Variants in SPATA18 observed in about 807,000 individuals in gnomAD.
SPATA18 encodes mitochondria-eating protein.
Under a neutral mutation model 68.1 loss-of-function variants are expected in SPATA18, and 54 were observed. The ratio of observed to expected loss-of-function variants is 0.79; its 90% CI spans 0.64 to 0.99. The LOEUF is 0.99. Ranked by LOEUF, SPATA18 falls within the 50% of genes least tolerant of loss-of-function variation. The pLI, the probability that SPATA18 is intolerant of heterozygous loss-of-function variation, is 0.00. For missense variants in SPATA18, 724 were observed against 681.1 expected (o/e 1.06, Z -0.70); for synonymous variants, 242 against 244.8 (o/e 0.99, Z 0.11).
intron 4 of SPATA18, among the ~76,000 whole-genome samples, chr4:52,065,343 G>T (rs1739228210): frequency 6.6e-6 from 1 of 151,950 alleles, no homozygotes; most frequent in Non-Finnish European, 1.5e-5. Flanking sequence ...TTGCTTTTGG[G>T]TTCTTAGGCA....
At chr4:52,069,232 A>T (rs1222975426) in intron 4 of SPATA18, among the ~76,000 whole-genome samples, 1 of 152,192 alleles carries the variant, frequency 6.6e-6, no homozygotes, top group Non-Finnish European at 1.5e-5. Context: ...TCTACCATGA[A>T]GAGGATTTGA....
At chr4:52,082,761 C>A in intron 10 of SPATA18, 5 of 1,316,958 alleles carry the variant, frequency 3.8e-6, no homozygotes, top group Non-Finnish European at 3.9e-6. Context: ...GTCATATTTA[C>A]CTCCTCCATC....
chr4:52,078,980 A>G, intron 8 of SPATA18, 87 bp downstream of exon 8: 1 of 1,312,858 alleles, frequency 7.6e-7, no homozygotes, highest in Non-Finnish European at 1.0e-6. Context: ...TCCATCCAGT[A>G]TTTAGTATTA....
chr4:52,092,787 T>C lies in SPATA18; in HGVS notation c.1564-1740T>C, dbSNP rs1742091584. 2.6e-5 allele frequency among the ~76,000 whole-genome samples: 4 copies of C among 152,178 alleles called. No homozygotes were observed. In the South Asian group the frequency reaches 8.3e-4, roughly 32 times the overall value. ...GAGGGACACAAAAATGACAAAAACATGTTATCTTCTCTGAATAGGTCTTAA... is the reference window on the plus strand; with the variant it reads ...GAGGGACACAAAAATGACAAAAACACGTTATCTTCTCTGAATAGGTCTTAA... On this transcript the variant is annotated intron_variant, in intron 11 of 12. Transcript: ENST00000295213.
rs754507564 is a variant in SPATA18 at position 52,084,926 on chromosome 4, T to C, written c.1490T>C (p.Val497Ala). The C allele has an allele frequency of 6.2e-7, 1 of 1,614,026 alleles. No individual in the cohort carries two copies. The highest frequency in any genetic ancestry group is 8.5e-7 in the Non-Finnish European group (1 of 1,179,926). ...TCTCTCTTTTTTAAGTGGAATTCGG[T>C]GCGATCTGTAAGTCGTTGTCGAAGC... ...VTRRGAFWNSVRSVSRCRSRS... is the reference protein window; with the variant it reads ...VTRRGAFWNSARSVSRCRSRS... The change falls in exon 11 of 13, where the codon GTG becomes GCG. Residue 497 changes from valine (V) to alanine (A), a missense_variant. By Grantham distance (64) the Val-to-Ala change is moderately conservative. Coordinates refer to ENST00000295213, the MANE Select transcript of SPATA18 (RefSeq NM_145263.4).
chr4:52,083,398 T>C (rs1741124372), intron 10 of SPATA18: 17 of 985,310 alleles, frequency 1.7e-5, no homozygotes, highest in Non-Finnish European at 1.9e-5. Flanking sequence ...AAAAGGGTTT[T>C]TGTAGCTTAA....
intron 4 of SPATA18, among the ~76,000 whole-genome samples, chr4:52,068,631 T>C (rs866138301): frequency 2.6e-5 from 4 of 152,326 alleles, no homozygotes; most frequent in Admixed American, 6.5e-5. Flanking sequence ...CTTAGGCTGC[T>C]TCACTCTCTA....
rs141339947 is a variant in SPATA18, at chr4:52,060,427, G to A, written c.96G>A (p.Thr32=). Residue 32 remains threonine, a synonymous_variant, in exon 2 of 13, where the codon ACG becomes ACA. Coordinates refer to ENST00000295213, the MANE Select transcript of SPATA18 (RefSeq NM_145263.4). ...DFWLKEYNTN[T]CDQNLNHCLE... ...CTGTTTTGCCCTTGCAGACAAACAC[G>A]TGTGATCAAAATCTAAACCATTGCC... 77 of 1,613,876 alleles carry A rather than the reference G, an allele frequency of 4.8e-5. No individual in the cohort carries two copies. The highest frequency in any genetic ancestry group is 4.7e-4 in the African/African-American group (35 of 75,036).
At chr4:52,094,854 A>G (rs1742296973) in intron 12 of SPATA18, 26 bp from the exon 13 acceptor site, 2 of 1,613,896 alleles carry the variant, frequency 1.2e-6, no homozygotes, top group Non-Finnish European at 1.7e-6. Flanking sequence ...TGACCATAAT[A>G]ATGAACTGTC....
At chr4:52,088,636 T>C (rs1368929644) in intron 11 of SPATA18, among the ~76,000 whole-genome samples, 3 of 152,210 alleles carry the variant, frequency 2.0e-5, no homozygotes, top group Non-Finnish European at 4.4e-5. Context: ...TGAAGCCAAC[T>C]TGTTCATAGT....
chr4:52,076,208 C>T (rs1531359), intron 6 of SPATA18, among the ~76,000 whole-genome samples: 128,849 of 152,060 alleles, frequency 0.85, 58,507 homozygotes, highest in East Asian at 1. Context: ...ATGGGGAGAG[C>T]GTAGGTAAAG....
Position 52,096,405 on chromosome 4 carries a change from C to G in SPATA18, c.*1518C>G, listed in dbSNP as rs1311661400. 6.6e-6 allele frequency: 1 copy of G among 151,972 alleles called. No individual in the cohort carries two copies. The highest frequency in any genetic ancestry group is 2.4e-5 in the African/African-American group (1 of 41,364). 9.4% of individuals were successfully genotyped at this position (151,972 alleles called of 1,614,324 possible). ...GGATACAATTAGTGCCCCTCTTAAC[C>G]CTGCAGACTCAATGTTCCCTTTTAT... is the stretch of plus-strand genomic sequence containing the variant. On this transcript the variant is annotated 3_prime_UTR_variant, in exon 13 of 13. Coordinates refer to ENST00000295213, the MANE Select transcript of SPATA18 (RefSeq NM_145263.4).
chr4:52,073,809 C>G (rs971724636), intron 6 of SPATA18, among the ~76,000 whole-genome samples: 12 of 152,120 alleles, frequency 7.9e-5, no homozygotes, highest in African/African-American at 2.7e-4. Flanking sequence ...AGCCATTTGG[C>G]TTGTTTGAAA....
intron 4 of SPATA18, 53 bp downstream of exon 4, chr4:52,062,385 T>A: frequency 7.7e-7 from 1 of 1,300,078 alleles, no homozygotes; most frequent in Non-Finnish European, 1.1e-6. Flanking sequence ...TCAATTTAAT[T>A]AAGTTTTAAA....
intron 7 of SPATA18, chr4:52,078,422 T>C (rs912277717): frequency 3.5e-5 from 7 of 199,478 alleles, no homozygotes; most frequent in African/African-American, 1.2e-4. Context: ...TGACCAGTAA[T>C]GTGATATTGC....
intron 4 of SPATA18, among the ~76,000 whole-genome samples, chr4:52,064,507 A>G (rs34486097): frequency 0.43 from 65,288 of 151,968 alleles, 16,710 homozygotes; most frequent in Non-Finnish European, 0.57. Flanking sequence ...ACTCCCACTT[A>G]TAAGTGAGAA....
intron 7 of SPATA18, 149 bp downstream of exon 7, chr4:52,077,189 C>A: frequency 2.4e-6 from 2 of 850,294 alleles, no homozygotes; most frequent in South Asian, 2.0e-5. Flanking sequence ...CCTTCCTTCT[C>A]TTTCTTCCTC....
intron 4 of SPATA18, among the ~76,000 whole-genome samples, chr4:52,065,410 G>A (rs1007545698): frequency 1.3e-5 from 2 of 152,102 alleles, no homozygotes; most frequent in African/African-American, 4.8e-5. Context: ...CTTCTAGACT[G>A]TTTGTGGTTT....
At chr4:52,084,276 C>T (rs917839248) in intron 10 of SPATA18, among the ~76,000 whole-genome samples, 1 of 152,102 alleles carries the variant, frequency 6.6e-6, no homozygotes, top group Non-Finnish European at 1.5e-5. Context: ...CTTCTTCTCT[C>T]CCATCAAGCA....
Sources: gnomAD v4.1 joint callset for allele counts (sites outside exome capture counted in the v4.1 genomes callset) on GRCh38, gnomAD v4.1.1 for gene constraint, MANE v1.5 for transcripts, NCBI Gene and HGNC (gene_info 2026-07-23, HGNC 2026-07-21) for gene names.